The following HOXC11 variants were observed in gnomAD, a reference collection of about 807,000 sequenced individuals.
HOXC11 encodes the protein homeobox C11, also known as homeobox protein Hox-C11.
HOXC11 carries 17 observed loss-of-function variants against 23.6 expected under a neutral mutation model. The ratio of observed to expected loss-of-function variants is 0.72; its 90% confidence interval spans 0.49 to 1.08. The LOEUF (loss-of-function observed/expected upper bound fraction) is 1.08, where lower values mean the gene tolerates loss of function less well. Ranked by LOEUF, HOXC11 falls within the 50% of genes least tolerant of loss-of-function variation. The probability of loss-of-function intolerance (pLI) is 0.00; values close to 1 mark genes in which losing one functional copy is unlikely to be tolerated. For missense variants in HOXC11, 413 were observed against 412.1 expected, an observed-to-expected ratio of 1.00 and a Z score of -0.02; for synonymous variants, 196 against 183.8, an observed-to-expected ratio of 1.07 and a Z score of -0.54.
Position 53,976,091 on chromosome 12 carries a change from A to G in HOXC11, c.*678A>G, listed in dbSNP as rs1939253019. 4.6e-6 allele frequency: 1 copy of G among 217,486 alleles called. No individual in the cohort carries two copies. The highest frequency in any genetic ancestry group is 1.9e-4 in the South Asian group (1 of 5,262). The allele number at this position is 217,486 out of a possible 1,614,324, so 13.5% of individuals were successfully genotyped here. A position where few individuals can be genotyped will look rare whatever the true frequency, so the allele number is the denominator to read the frequency against. On this transcript the variant is annotated 3_prime_UTR_variant, in exon 2 of 2. Transcript: ENST00000546378. The stretch of plus-strand genomic sequence containing the variant: ...CTTTTTCCAAGCAGTGCCCCACTTC[A>G]TGGATTTATAGCTATAGTCTATGCA...
rs1939246772 is a variant in HOXC11 at position 53,975,763 on chromosome 12, C to A, written c.*350C>A. On this transcript the variant is annotated 3_prime_UTR_variant, in exon 2 of 2. Coordinates refer to ENST00000546378, the MANE Select transcript of HOXC11 (RefSeq NM_014212.4). ...GTGGGGGAGGGGCGACAGTAGTGAG[C>A]GCCTGAGCCGAACAATCCTCGAACT... The A allele has an allele frequency of 2.0e-6, 1 of 512,154 alleles. No individual in the cohort carries two copies. Among genetic ancestry groups the A allele is most frequent in the Non-Finnish European group, 3.4e-6 (1 of 292,938 alleles). 31.7% of individuals were successfully genotyped at this position (512,154 alleles called of 1,614,324 possible).
rs938240917 is a variant in HOXC11, at chr12:53,973,131, CAGAG to C, written c.-101_-98del. On this transcript the variant is annotated 5_prime_UTR_variant, in exon 1 of 2. Coordinates refer to ENST00000546378, the MANE Select transcript of HOXC11 (RefSeq NM_014212.4). The surrounding 1 kb of genome is among the most constrained non-coding windows in gnomAD (Gnocchi z 4.3). ...CAATATCTACTTTGGATCACGTGCT[CAGAG>C]AGAGAGAGACTAAGACGGATAACGC... is the stretch of plus-strand genomic sequence containing the variant. 2.5e-6 allele frequency: 2 copies of C among 787,850 alleles called. No homozygotes were observed. The highest frequency in any genetic ancestry group is 2.7e-5 in the East Asian group (1 of 37,640). 48.8% of individuals were successfully genotyped at this position (787,850 alleles called of 1,614,324 possible).
In HOXC11 at chr12:53,975,624, G is replaced by C; in HGVS notation, c.*211G>C. On this transcript the variant is annotated 3_prime_UTR_variant, in exon 2 of 2. Transcript: ENST00000546378. ...GTGGGACAGGGACCGGGCCTGGAAA[G>C]GGGGTGAAGGGAAGTGTCTGATGCA... 1 of 631,878 alleles carries C rather than the reference G, an allele frequency of 1.6e-6. No homozygotes were observed. The highest frequency in any genetic ancestry group is 2.8e-6 in the Non-Finnish European group (1 of 355,110). 39.1% of individuals were successfully genotyped at this position (631,878 alleles called of 1,614,324 possible). A position where few individuals can be genotyped will look rare whatever the true frequency, so the allele number is the denominator to read the frequency against.
chr12:53,975,516 T>A lies in HOXC11; in HGVS notation c.*103T>A, dbSNP rs1939240455. On this transcript the variant is annotated 3_prime_UTR_variant, in exon 2 of 2. Transcript: ENST00000546378. ...CGTCTTCTTTCCGCCGGTGGAAAAC[T>A]GGACTGTGGCCAGGGCTGGCCCCCA... 1.1e-6 allele frequency: 1 copy of A among 884,658 alleles called. No individual in the cohort carries two copies. The highest frequency in any genetic ancestry group is 1.8e-6 in the Non-Finnish European group (1 of 550,430). 54.8% of individuals were successfully genotyped at this position (884,658 alleles called of 1,614,324 possible). A position where few individuals can be genotyped will look rare whatever the true frequency, so the allele number is the denominator to read the frequency against.
rs367923255 is a variant in HOXC11 at position 53,973,482 on chromosome 12, G to A, written c.241G>A (p.Gly81Ser). The A allele has an allele frequency of 1.7e-5, 27 of 1,613,834 alleles. No homozygotes were observed. Among genetic ancestry groups the A allele is most frequent in the Non-Finnish European group, 2.3e-5 (27 of 1,180,008 alleles). ...GGTCTCCTACGGCCTGGAGCCATCC[G>A]GCAAGTGGCACCATCGGAACAGCTA... Reference protein sequence around the residue: ...REVSYGLEPSGKWHHRNSYSS... With the variant: ...REVSYGLEPSSKWHHRNSYSS... Residue 81 changes from glycine (G) to serine (S), a missense_variant, in exon 1 of 2, where the codon GGC (glycine) becomes AGC (serine). Coordinates refer to ENST00000546378, the MANE Select transcript of HOXC11 (RefSeq NM_014212.4). This position sits in a 1 kb window ranked among gnomAD's most constrained non-coding sequence, Gnocchi z 4.3.
chr12:53,975,366 C>G lies in HOXC11; in HGVS notation c.868C>G (p.Leu290Val). The G allele has an allele frequency of 6.2e-7, 1 of 1,613,728 alleles. No homozygotes were observed. The highest frequency in any genetic ancestry group is 8.5e-7 in the Non-Finnish European group (1 of 1,179,918). ...GAACAGAAGGATGAAAGAAAAGAAA[C>G]TGAGCAGAGACCGGCTGCAGTATTT... ...FQNRRMKEKKLSRDRLQYFSG... is the reference protein window; with the variant it reads ...FQNRRMKEKKVSRDRLQYFSG... The change falls in exon 2 of 2, where the codon CTG (leucine) becomes GTG (valine). Residue 290 changes from leucine (L) to valine (V), a missense_variant. Physicochemically the swap from Leu to Val is conservative, Grantham distance 32. Transcript: ENST00000546378.
chr12:53,975,555 C>A lies in HOXC11; in HGVS notation c.*142C>A. On this transcript the variant is annotated 3_prime_UTR_variant, in exon 2 of 2. Coordinates refer to ENST00000546378, the MANE Select transcript of HOXC11 (RefSeq NM_014212.4). ...GGCTGGCCCCCACCGCTGTGGCCGG[C>A]ACTCCATTCCGGAACCTCCTGGACC... 1 of 714,880 alleles carries A rather than the reference C, an allele frequency of 1.4e-6. No homozygotes were observed. The highest frequency in any genetic ancestry group is 2.5e-6 in the Non-Finnish European group (1 of 403,070). 44.3% of individuals were successfully genotyped at this position (714,880 alleles called of 1,614,324 possible).
Position 53,975,789 on chromosome 12 carries a change from A to C in HOXC11, c.*376A>C. ...GCCTGAGCCGAACAATCCTCGAACTAAAAGCCTTCCCTTGCCCATGTGAAA... is the reference window on the plus strand; with the variant it reads ...GCCTGAGCCGAACAATCCTCGAACTCAAAGCCTTCCCTTGCCCATGTGAAA... On this transcript the variant is annotated 3_prime_UTR_variant, in exon 2 of 2. Coordinates refer to ENST00000546378, the MANE Select transcript of HOXC11 (RefSeq NM_014212.4). 1 of 477,078 alleles carries C rather than the reference A, an allele frequency of 2.1e-6. No homozygotes were observed. Among genetic ancestry groups the C allele is most frequent in the Non-Finnish European group, 3.7e-6 (1 of 273,122 alleles). The allele number at this position is 477,078 out of a possible 1,614,324, so 29.6% of individuals were successfully genotyped here. A position where few individuals can be genotyped will look rare whatever the true frequency, so the allele number is the denominator to read the frequency against.
chr12:53,975,907 G>A lies in HOXC11; in HGVS notation c.*494G>A, dbSNP rs1034372679. 9 of 97,414 alleles carry A rather than the reference G, an allele frequency of 9.2e-5. No individual in the cohort carries two copies. The highest frequency in any genetic ancestry group is 3.6e-4 in the African/African-American group (8 of 22,512). 6.0% of individuals were successfully genotyped at this position (97,414 alleles called of 1,614,324 possible). A position where few individuals can be genotyped will look rare whatever the true frequency, so the allele number is the denominator to read the frequency against. On this transcript the variant is annotated 3_prime_UTR_variant, in exon 2 of 2. Coordinates refer to ENST00000546378, the MANE Select transcript of HOXC11 (RefSeq NM_014212.4). ...TTGCAGCTAAATGTGATCCTGCCTT[G>A]CTGTGAAATTTCTGTACCTTCAACC... is the stretch of plus-strand genomic sequence containing the variant.
rs1939271286 is a variant in HOXC11 at position 53,976,898 on chromosome 12, T to C, written c.*1485T>C. On this transcript the variant is annotated 3_prime_UTR_variant, in exon 2 of 2. Transcript: ENST00000546378. ...GGAGAAATCTGTATTGGAATTTTTA[T>C]ACACTGTTTTTAAGGAAGGAGGGGA... The C allele has an allele frequency of 6.6e-6, 1 of 151,748 alleles. No homozygotes were observed. The highest frequency in any genetic ancestry group is 1.5e-5 in the Non-Finnish European group (1 of 67,968). 9.4% of individuals were successfully genotyped at this position (151,748 alleles called of 1,614,324 possible). A position where few individuals can be genotyped will look rare whatever the true frequency, so the allele number is the denominator to read the frequency against.
Position 53,976,242 on chromosome 12 carries a change from C to A in HOXC11, c.*829C>A. ...GATTTTTGTAAATAAATTTCCCAAG[C>A]GTTTCTTTCCACCTGGAGGGAAAGG... On this transcript the variant is annotated 3_prime_UTR_variant, in exon 2 of 2. Transcript: ENST00000546378. The A allele has an allele frequency of 4.5e-6, 1 of 221,934 alleles. No individual in the cohort carries two copies. The highest frequency in any genetic ancestry group is 6.5e-5 in the East Asian group (1 of 15,456). The allele number at this position is 221,934 out of a possible 1,614,324, so 13.7% of individuals were successfully genotyped here. A position where few individuals can be genotyped will look rare whatever the true frequency, so the allele number is the denominator to read the frequency against.
In HOXC11 at chr12:53,975,162, C is replaced by A. The variant is rs1939233489; in HGVS notation, c.683-19C>A. ...TCTCTCCCCCCTCTCCTCGCACTTG[C>A]CCCCTCCCCTCCCTCCAGACGCCCC... On this transcript the variant is annotated intron_variant, in intron 1 of 1. Coordinates refer to ENST00000546378, the MANE Select transcript of HOXC11 (RefSeq NM_014212.4). The A allele has an allele frequency of 5.1e-6, 4 of 788,418 alleles. No homozygotes were observed. Among genetic ancestry groups the A allele is most frequent in the Non-Finnish European group, 8.2e-6 (4 of 490,316 alleles). 48.8% of individuals were successfully genotyped at this position (788,418 alleles called of 1,614,324 possible).
rs1157552989 is a variant in HOXC11, at chr12:53,975,221, A to T, written c.723A>T (p.Lys241Asn). ...GCAAGAAGCGCTGCCCTTATTCGAA[A>T]TTCCAGATCCGGGAACTGGAGCGAG... Reference protein sequence around the residue: ...RTRKKRCPYSKFQIRELEREF... With the variant: ...RTRKKRCPYSNFQIRELEREF... Residue 241 changes from lysine to asparagine, a missense_variant, in exon 2 of 2, where the codon AAA (lysine) becomes AAT (asparagine). Transcript: ENST00000546378. The T allele has an allele frequency of 1.2e-6, 2 of 1,611,146 alleles. No homozygotes were observed. Among genetic ancestry groups the T allele is most frequent in the African/African-American group, 2.7e-5 (2 of 74,590 alleles).
chr12:53,975,403 C>G lies in HOXC11; in HGVS notation c.905C>G (p.Pro302Arg), dbSNP rs1349577264. ...RDRLQYFSGN[P>R]LL ...CGGCTGCAGTATTTCTCGGGAAATCCTCTGCTGTAACCTGCAGACCGGGCC... is the reference window on the plus strand; with the variant it reads ...CGGCTGCAGTATTTCTCGGGAAATCGTCTGCTGTAACCTGCAGACCGGGCC... The change falls in exon 2 of 2, where the codon CCT becomes CGT. Residue 302 changes from proline (P) to arginine (R), a missense_variant. By Grantham distance (103) the Pro-to-Arg change is moderately radical. Coordinates refer to ENST00000546378, the MANE Select transcript of HOXC11 (RefSeq NM_014212.4). The G allele has an allele frequency of 6.2e-7, 1 of 1,610,238 alleles. No homozygotes were observed. Among genetic ancestry groups the G allele is most frequent in the Admixed American group, 1.7e-5 (1 of 59,982 alleles).
At position 53,977,045 on chromosome 12, in the gene HOXC11, A is replaced by G. The variant is rs1939274284; in HGVS notation, c.*1632A>G. On this transcript the variant is annotated 3_prime_UTR_variant, in exon 2 of 2. Coordinates refer to ENST00000546378, the MANE Select transcript of HOXC11 (RefSeq NM_014212.4). ...CTCTTCCAGACACAACAAGACGCCTATACTGGGGCCACCCTGATGTTTATA... is the reference window on the plus strand; with the variant it reads ...CTCTTCCAGACACAACAAGACGCCTGTACTGGGGCCACCCTGATGTTTATA... The G allele has an allele frequency of 6.6e-6, 1 of 152,182 alleles. No individual in the cohort carries two copies. Among genetic ancestry groups the G allele is most frequent in the Admixed American group, 6.5e-5 (1 of 15,274 alleles). The allele number at this position is 152,182 out of a possible 1,614,324, so 9.4% of individuals were successfully genotyped here.
In HOXC11 at chr12:53,977,134, G is replaced by C. The variant is rs377456336; in HGVS notation, c.*1721G>C. 4 of 152,372 alleles carry C rather than the reference G, an allele frequency of 2.6e-5. No homozygotes were observed. In the East Asian group the frequency reaches 7.7e-4, roughly 29 times the overall value. 9.4% of individuals were successfully genotyped at this position (152,372 alleles called of 1,614,324 possible). ...TTTGTAGGGGTTGGCACTGGGGATG[G>C]AGATGACCTGCGGGGACAGTCACCA... On this transcript the variant is annotated 3_prime_UTR_variant, in exon 2 of 2. Coordinates refer to ENST00000546378, the MANE Select transcript of HOXC11 (RefSeq NM_014212.4).
intron 1 of HOXC11, among the ~76,000 whole-genome samples, chr12:53,974,689 GCT>G: frequency 6.6e-6 from 1 of 151,786 alleles, no homozygotes; most frequent in Middle Eastern, 3.4e-3. Context: ...CCCGGAAGCG[GCT>G]CTCTGGTGTC....
Position 53,973,384 on chromosome 12 carries a change from C to T in HOXC11, c.143C>T (p.Ser48Phe), listed in dbSNP as rs17849492. 6.2e-7 allele frequency: 1 copy of T among 1,614,234 alleles called. No homozygotes were observed. The highest frequency in any genetic ancestry group is 8.5e-7 in the Non-Finnish European group (1 of 1,180,042). ...TACATGCCCGAGTTCTCCACGGTCT[C>T]CTCCTTCCTGCCCCAGGCCCCCTCT... Reference protein sequence around the residue: ...TYYMPEFSTVSSFLPQAPSRQ... With the variant: ...TYYMPEFSTVFSFLPQAPSRQ... Residue 48 changes from serine to phenylalanine, a missense_variant, in exon 1 of 2, where the codon TCC becomes TTC. Coordinates refer to ENST00000546378, the MANE Select transcript of HOXC11 (RefSeq NM_014212.4). This position sits in a 1 kb window ranked among gnomAD's most constrained non-coding sequence, Gnocchi z 4.3.
rs963112437 is a variant in HOXC11, at chr12:53,973,579, T to C, written c.338T>C (p.Ile113Thr). The change falls in exon 1 of 2, where the codon ATC becomes ACC. Residue 113 changes from isoleucine (I) to threonine (T), a missense_variant. Coordinates refer to ENST00000546378, the MANE Select transcript of HOXC11 (RefSeq NM_014212.4). The surrounding 1 kb of genome is among the most constrained non-coding windows in gnomAD (Gnocchi z 4.3). Reference sequence around the variant, plus strand: ...CTGCCTCCTTCCACCGTCACCGAGATCCTCATGAAAAACGAAGGCTCCTAC... The same window carrying C: ...CTGCCTCCTTCCACCGTCACCGAGACCCTCATGAAAAACGAAGGCTCCTAC... ...ECLPPSTVTE[I>T]LMKNEGSYGG... 3.1e-6 allele frequency: 5 copies of C among 1,612,746 alleles called. No individual in the cohort carries two copies. The African/African-American group carries it at 5.4e-5, about 17-fold the overall frequency.
Sources: allele counts gnomAD v4.1 joint callset (sites outside exome capture counted in the v4.1 genomes callset), GRCh38; gene constraint gnomAD v4.1.1; non-coding constraint Gnocchi (gnomAD v3.1); transcripts MANE v1.5; gene names NCBI Gene and HGNC (gene_info 2026-07-23, HGNC 2026-07-21).